Variants in ROR1 observed in about 807,000 individuals in gnomAD.
ROR1 encodes the protein ROR family WNT receptor 1.
Under a neutral mutation model 78.8 loss-of-function variants are expected in ROR1, and 19 were observed. The observed-to-expected ratio is 0.24, with a 90% CI of 0.17 to 0.35. The LOEUF is 0.35. Ranked by LOEUF, ROR1 falls within the 10% of genes least tolerant of loss-of-function variation. ROR1 has a pLI of 1.00. For synonymous variants in ROR1, 386 were observed against 433.6 expected (o/e 0.89, Z 1.36); for missense variants, 917 against 1,177.8 (o/e 0.78, Z 3.24).
intron 1 of ROR1, among the ~76,000 whole-genome samples, chr1:63,798,430 G>A (rs906133341): frequency 6.6e-6 from 1 of 152,120 alleles, no homozygotes; most frequent in Non-Finnish European, 1.5e-5. Context: ...TGCAGTTTTT[G>A]GGGGAGGAGG....
chr1:63,964,796 T>A (rs773884474), intron 1 of ROR1, among the ~76,000 whole-genome samples: 2 of 152,232 alleles, frequency 1.3e-5, no homozygotes, highest in Non-Finnish European at 2.9e-5. Flanking sequence ...GGTTTCTGGA[T>A]GTGTGCTGTC....
intron 1 of ROR1, among the ~76,000 whole-genome samples, chr1:63,902,204 A>C (rs1253961976): frequency 1.3e-5 from 2 of 152,216 alleles, no homozygotes; most frequent in African/African-American, 4.8e-5. Context: ...AAGAAGGAAG[A>C]ATTGTCATAT....
chr1:63,982,813 G>A (rs1308482787), intron 1 of ROR1, among the ~76,000 whole-genome samples: 1 of 152,102 alleles, frequency 6.6e-6, no homozygotes, highest in African/African-American at 2.4e-5. Flanking sequence ...CAGTGGAGTA[G>A]TGTGAAGAAC....
Position 63,843,375 on chromosome 1 carries a change from A to G in ROR1, c.91+68867A>G, listed in dbSNP as rs1482049244. ...GCTTTTAAGGGGAGCAGACTCAGGG[A>G]CCCAGAAGATAAACACCAGGTCCTC... is the stretch of plus-strand genomic sequence containing the variant. On this transcript the variant is annotated intron_variant, in intron 1 of 8. Transcript: ENST00000371079. 5.3e-5 allele frequency: 43 copies of G among 804,990 alleles called. 1 individual carries two copies. The Admixed American group carries it at 7.1e-4, about 13-fold the overall frequency. 49.9% of individuals were successfully genotyped at this position (804,990 alleles called of 1,614,324 possible). A position where few individuals can be genotyped will look rare whatever the true frequency, so the allele number is the denominator to read the frequency against.
chr1:64,133,363 A>G (rs937905801), intron 4 of ROR1, among the ~76,000 whole-genome samples: 1 of 152,206 alleles, frequency 6.6e-6, no homozygotes, highest in Admixed American at 6.5e-5. Flanking sequence ...TCTGCAGAAC[A>G]GCATTTCCTT....
intron 1 of ROR1, among the ~76,000 whole-genome samples, chr1:63,778,233 G>A (rs1288453602): frequency 2.0e-5 from 3 of 152,246 alleles, no homozygotes; most frequent in Middle Eastern, 3.4e-3. Context: ...TTAATTTGGG[G>A]TACATGAAAT....
chr1:63,842,824 A>G (rs1176032471), intron 1 of ROR1, among the ~76,000 whole-genome samples: 1 of 152,038 alleles, frequency 6.6e-6, no homozygotes, highest in Non-Finnish European at 1.5e-5. Context: ...AACAGCAAGC[A>G]TAGAGTCACT....
intron 2 of ROR1, among the ~76,000 whole-genome samples, chr1:64,016,221 T>A (rs1646519824): frequency 6.6e-6 from 1 of 152,168 alleles, no homozygotes; most frequent in Non-Finnish European, 1.5e-5. Flanking sequence ...GAGACTCCAA[T>A]GCTGCGTGAA....
At chr1:63,970,859 G>A (rs748312355) in intron 1 of ROR1, among the ~76,000 whole-genome samples, 22 of 152,178 alleles carry the variant, frequency 1.4e-4, no homozygotes, top group Non-Finnish European at 2.5e-4. Context: ...CAGAAGTGGT[G>A]GAACCAATGC....
intron 1 of ROR1, among the ~76,000 whole-genome samples, chr1:63,788,365 AG>A (rs1265588235): frequency 6.6e-6 from 1 of 152,182 alleles, no homozygotes. Context: ...GATTTATAAA[AG>A]GAGGTTATGC....
Position 63,876,510 on chromosome 1 carries a change from A to C in ROR1, c.91+102002A>C, listed in dbSNP as rs535194272. Reference sequence around the variant, plus strand: ...GGAGGGAAATTTCCTTAAATGCCTAATTTTTATGTCTGTAAGGGGCATGGT... The same window carrying C: ...GGAGGGAAATTTCCTTAAATGCCTACTTTTTATGTCTGTAAGGGGCATGGT... On this transcript the variant is annotated intron_variant, in intron 1 of 8. Coordinates refer to ENST00000371079, the MANE Select transcript of ROR1 (RefSeq NM_005012.4). 6.6e-5 allele frequency among the ~76,000 whole-genome samples: 10 copies of C among 152,158 alleles called. No homozygotes were observed. In the South Asian group the frequency reaches 2.1e-3, roughly 32 times the overall value.
intron 8 of ROR1, among the ~76,000 whole-genome samples, chr1:64,173,561 CAG>C (rs1162079046): frequency 1.3e-5 from 2 of 152,328 alleles, no homozygotes; most frequent in East Asian, 3.9e-4. Flanking sequence ...GGCCGAAAAA[CAG>C]AGAGCCTTGG....
At chr1:63,899,923 C>T (rs921694794) in intron 1 of ROR1, among the ~76,000 whole-genome samples, 3 of 151,788 alleles carry the variant, frequency 2.0e-5, no homozygotes, top group Non-Finnish European at 4.4e-5. Context: ...CTTAAATATC[C>T]GAACAGACAC....
intron 1 of ROR1, among the ~76,000 whole-genome samples, chr1:63,828,001 C>T (rs1173407289): frequency 2.0e-5 from 3 of 152,116 alleles, no homozygotes; most frequent in African/African-American, 7.2e-5. Flanking sequence ...GTGCATATTC[C>T]CCTTATTTAT....
At chr1:64,048,475 A>G (rs1250754100) in intron 2 of ROR1, among the ~76,000 whole-genome samples, 1 of 152,178 alleles carries the variant, frequency 6.6e-6, no homozygotes, top group Non-Finnish European at 1.5e-5. Flanking sequence ...AAGTTACCCC[A>G]GACTTGGACC....
At chr1:64,174,616 C>T (rs1228383170) in intron 8 of ROR1, among the ~76,000 whole-genome samples, 1 of 152,124 alleles carries the variant, frequency 6.6e-6, no homozygotes, top group Non-Finnish European at 1.5e-5. Flanking sequence ...CCTTAAAGTT[C>T]TCTGTCTCCA....
At chr1:63,863,728 A>ATTGTG (rs1645196678) in intron 1 of ROR1, among the ~76,000 whole-genome samples, 3 of 113,606 alleles carry the variant, frequency 2.6e-5, no homozygotes, top group African/African-American at 1.1e-4. Flanking sequence ...ATTGTATTGT[A>ATTGTG]TTGTATTGTA....
chr1:64,089,638 C>G (rs188635324), intron 4 of ROR1, among the ~76,000 whole-genome samples: 1 of 152,220 alleles, frequency 6.6e-6, no homozygotes, highest in Non-Finnish European at 1.5e-5. Context: ...TTAATAATAA[C>G]TGAGACACAT....
chr1:64,053,662 G>T lies in ROR1; in HGVS notation c.482+2946G>T, dbSNP rs576326847. Among the ~76,000 whole-genome samples the T allele has an allele frequency of 2.0e-5, 3 of 152,142 alleles. No homozygotes were observed. In the South Asian group the frequency reaches 6.2e-4, roughly 32 times the overall value. On this transcript the variant is annotated intron_variant, in intron 4 of 8. Coordinates refer to ENST00000371079, the MANE Select transcript of ROR1 (RefSeq NM_005012.4). The stretch of plus-strand genomic sequence containing the variant: ...ACAGTGTCAAATATACCTTTTTAAC[G>T]TTAAAATTTTAAAATACATAGAAAG...
Sources: gnomAD v4.1 joint callset for allele counts (sites outside exome capture counted in the v4.1 genomes callset) on GRCh38, gnomAD v4.1.1 for gene constraint, MANE v1.5 for transcripts, NCBI Gene and HGNC (gene_info 2026-07-23, HGNC 2026-07-21) for gene names.